The following SLF1 variants were observed in gnomAD, a reference collection of about 807,000 sequenced individuals.
SLF1 encodes the protein SMC5-SMC6 complex localization factor protein 1.
Under a neutral mutation model 123.0 loss-of-function variants are expected in SLF1, and 105 were observed. The ratio of observed to expected loss-of-function variants is 0.85; its 90% CI spans 0.73 to 1.00. The LOEUF (loss-of-function observed/expected upper bound fraction) is 1.00. SLF1 is among the 50% of genes least tolerant of loss of function. The pLI, the probability that SLF1 is intolerant of heterozygous loss-of-function variation, is 0.00. For missense variants in SLF1, 1,239 were observed against 1,223.0 expected, an observed-to-expected ratio of 1.01 and a Z score of -0.20; for synonymous variants, 434 against 406.6, an observed-to-expected ratio of 1.07 and a Z score of -0.81.
Position 94,695,223 on chromosome 5 carries a change from G to A in SLF1, c.3088G>A (p.Glu1030Lys). The stretch of plus-strand genomic sequence containing the variant: ...CCCACACATTCTTAAGGAACTGCCT[G>A]AGAATTTGAAAGTGTGTCCTGGGGT... ...KLPHILKELP[E>K]NLKVCPGVHT... The change falls in exon 21 of 21, where the codon GAG becomes AAG. Residue 1030 changes from glutamate to lysine, a missense_variant. Coordinates refer to ENST00000265140, the MANE Select transcript of SLF1 (RefSeq NM_032290.4). 6.2e-7 allele frequency: 1 copy of A among 1,612,598 alleles called. No individual in the cohort carries two copies. Among genetic ancestry groups the A allele is most frequent in the Non-Finnish European group, 8.5e-7 (1 of 1,178,958 alleles).
chr5:94,626,508 G>A (rs777902776), intron 1 of SLF1, among the ~76,000 whole-genome samples: 10 of 152,088 alleles, frequency 6.6e-5, no homozygotes, highest in Non-Finnish European at 1.2e-4. Flanking sequence ...GAGTTTTAGA[G>A]GGTTAAAATA....
intron 4 of SLF1, among the ~76,000 whole-genome samples, chr5:94,638,112 A>G (rs890778998): frequency 1.3e-5 from 2 of 152,020 alleles, no homozygotes; most frequent in South Asian, 2.1e-4. Flanking sequence ...ATGTTGCGCT[A>G]CCACCAAGAT....
At chr5:94,686,852 A>G (rs184873758) in intron 16 of SLF1, 134 bp downstream of exon 16, 15,261 of 1,033,460 alleles carry the variant, frequency 0.015, 151 homozygotes, top group Non-Finnish European at 0.017. Context: ...CAGTGGCGCA[A>G]TCGCGGCTCA....
chr5:94,688,972 A>G (rs1752759325), intron 17 of SLF1, among the ~76,000 whole-genome samples: 1 of 152,196 alleles, frequency 6.6e-6, no homozygotes, highest in Non-Finnish European at 1.5e-5. Flanking sequence ...TATAGATGGG[A>G]TTTCAGAATG....
At chr5:94,681,486 C>A (rs111916834) in intron 15 of SLF1, among the ~76,000 whole-genome samples, 54 of 152,190 alleles carry the variant, frequency 3.5e-4, no homozygotes, top group African/African-American at 1.0e-3. Flanking sequence ...TTTCTATTTT[C>A]TTTTTTATTT....
rs138172380 is a variant in SLF1, at chr5:94,692,147, A to G, written c.2586A>G (p.Gln862=). 303 of 1,613,904 alleles carry G rather than the reference A, an allele frequency of 1.9e-4. 1 individual carries two copies. In the African/African-American group the frequency reaches 3.7e-3, roughly 20 times the overall value. ...GNTVCVQEIL[Q]RCPEVDLLTQ... is the part of the protein sequence containing the mutation. ...CAGTGTGTGTCCAGGAAATTTTGCA[A>G]CGTTGTCCAGAGGTAGATCTGCTCA... Residue 862 remains glutamine, a synonymous_variant, in exon 20 of 21, where the codon CAA becomes CAG. Transcript: ENST00000265140.
chr5:94,655,561 ATTC>A (rs1246288294), intron 9 of SLF1, among the ~76,000 whole-genome samples: 1 of 152,164 alleles, frequency 6.6e-6, no homozygotes, highest in Non-Finnish European at 1.5e-5. Flanking sequence ...TTTTAACCAT[ATTC>A]TTCAAACTCA....
chr5:94,678,216 G>A (rs984984655), intron 14 of SLF1, among the ~76,000 whole-genome samples: 7 of 152,186 alleles, frequency 4.6e-5, no homozygotes, highest in Admixed American at 1.3e-4. Context: ...CACCGCGCCC[G>A]GCCAGTGATA....
chr5:94,646,613 A>G (rs752302516), intron 5 of SLF1, among the ~76,000 whole-genome samples: 1 of 152,198 alleles, frequency 6.6e-6, no homozygotes, highest in East Asian at 1.9e-4. Context: ...ATGAGAGGCT[A>G]CCTAGGAATA....
intron 7 of SLF1, among the ~76,000 whole-genome samples, chr5:94,653,066 A>G (rs1747935932): frequency 6.6e-6 from 1 of 152,178 alleles, no homozygotes; most frequent in African/African-American, 2.4e-5. Flanking sequence ...CATGTTGGTC[A>G]GGCTGGTCTC....
In SLF1 at chr5:94,688,506, G is replaced by T. The variant is rs949827802; in HGVS notation, c.2122G>T (p.Val708Leu). Residue 708 changes from valine to leucine, a missense_variant and splice_region_variant, in exon 17 of 21, where the codon GTA becomes TTA. Val to Leu is a conservative substitution (Grantham distance 32). Transcript: ENST00000265140. ...ATAATGCAATATTATTTTTCAACAG[G>T]TATATTCCTATTTACCAGCCTTGGG... ...SSEPLSLQKM[V>L]YSYLPALGKT... 4 of 1,613,588 alleles carry T rather than the reference G, an allele frequency of 2.5e-6. No individual in the cohort carries two copies. The highest frequency in any genetic ancestry group is 2.2e-5 in the South Asian group (2 of 90,982).
chr5:94,660,612 T>G (rs989160229), intron 9 of SLF1, among the ~76,000 whole-genome samples: 1 of 152,094 alleles, frequency 6.6e-6, no homozygotes, highest in South Asian at 2.1e-4. Context: ...GCGGGTGGGG[T>G]AGGCCTGTCT....
intron 1 of SLF1, among the ~76,000 whole-genome samples, chr5:94,625,342 T>A (rs1345160055): frequency 6.6e-6 from 1 of 152,062 alleles, no homozygotes; most frequent in Non-Finnish European, 1.5e-5. Context: ...TGTCCAGCAT[T>A]TCTAAAAAGA....
intron 4 of SLF1, among the ~76,000 whole-genome samples, chr5:94,638,171 C>A (rs73140270): frequency 0.083 from 12,637 of 151,432 alleles, 567 homozygotes; most frequent in South Asian, 0.12. Context: ...GTTTCTTCTT[C>A]TTCTTATTTT....
chr5:94,662,232 G>T, intron 9 of SLF1, 66 bp from the exon 10 acceptor site: 1 of 1,376,654 alleles, frequency 7.3e-7, no homozygotes. Context: ...CCAAGGTTTT[G>T]GGGAAGCTGA....
chr5:94,697,434 C>T lies in SLF1; in HGVS notation c.*2122C>T, dbSNP rs1453859608. The T allele has an allele frequency of 1.3e-5, 2 of 151,840 alleles. No individual in the cohort carries two copies. The highest frequency in any genetic ancestry group is 2.4e-5 in the African/African-American group (1 of 41,364). The allele number at this position is 151,840 out of a possible 1,614,324, so 9.4% of individuals were successfully genotyped here. The stretch of plus-strand genomic sequence containing the variant: ...CAATAAGTAAAGTATAATTCATAGT[C>T]TTAGTCCTAGATTTTCAATGGCAGA... On this transcript the variant is annotated 3_prime_UTR_variant, in exon 21 of 21. Coordinates refer to ENST00000265140, the MANE Select transcript of SLF1 (RefSeq NM_032290.4).
intron 4 of SLF1, among the ~76,000 whole-genome samples, chr5:94,633,876 G>C (rs1000475474): frequency 2.0e-5 from 3 of 151,992 alleles, no homozygotes; most frequent in Non-Finnish European, 2.9e-5. Flanking sequence ...TCTTGCTTTA[G>C]GCTTAATTTG....
Position 94,691,676 on chromosome 5 carries a change from G to A in SLF1, c.2512+20G>A, listed in dbSNP as rs1256838788. 7 of 1,554,822 alleles carry A rather than the reference G, an allele frequency of 4.5e-6. No individual in the cohort carries two copies. The highest frequency in any genetic ancestry group is 6.1e-6 in the Non-Finnish European group (7 of 1,139,816). On this transcript the variant is annotated intron_variant, in intron 19 of 20. Transcript: ENST00000265140. The stretch of plus-strand genomic sequence containing the variant: ...TTAAAGGTAAGTTTTAAATCTTTGT[G>A]GTCTAGTCCAATGTCTTAATATTTG...
At chr5:94,658,617 A>G (rs1374894052) in intron 9 of SLF1, among the ~76,000 whole-genome samples, 1 of 151,968 alleles carries the variant, frequency 6.6e-6, no homozygotes, top group Non-Finnish European at 1.5e-5. Flanking sequence ...TTGACTTTTG[A>G]TAGTTTGACT....
Sources: allele counts gnomAD v4.1 joint callset (sites outside exome capture counted in the v4.1 genomes callset), GRCh38; gene constraint gnomAD v4.1.1; transcripts MANE v1.5; gene names NCBI Gene and HGNC (gene_info 2026-07-23, HGNC 2026-07-21).